Variants in GOPC observed in about 807,000 individuals in gnomAD.
GOPC encodes golgi associated PDZ and coiled-coil motif containing, also known as Golgi-associated PDZ and coiled-coil motif-containing protein.
In GOPC, 32 loss-of-function variants were observed where a neutral mutation model predicts 51.2. The observed-to-expected ratio is 0.63, with a 90% CI of 0.47 to 0.84. GOPC has a LOEUF of 0.84. Among genes scored for constraint, GOPC ranks in the 40% least tolerant of loss-of-function variants. The pLI is 0.00. For missense variants in GOPC, 441 were observed against 555.5 expected (o/e 0.79, Z 2.07); for synonymous variants, 190 against 205.1 (o/e 0.93, Z 0.63).
At chr6:117,580,839 T>C (rs1307059447) in intron 1 of GOPC, among the ~76,000 whole-genome samples, 2 of 152,150 alleles carry the variant, frequency 1.3e-5, no homozygotes, top group Admixed American at 6.5e-5. Context: ...ATGGTAACTT[T>C]GTAAATGAAA....
Position 117,566,846 on chromosome 6 carries a change from A to AT in GOPC, c.1258+7dup, listed in dbSNP as rs1779706705. ...TATGTTAATAATAATTTTTAGAGTG[A>AT]TTTTTACCTTGTAATACTTTGATTT... On this transcript the variant is annotated splice_region_variant and intron_variant, in intron 8 of 8. Transcript: ENST00000368498. The AT allele has an allele frequency of 6.5e-7, 1 of 1,532,462 alleles. No homozygotes were observed. Among genetic ancestry groups the AT allele is most frequent in the African/African-American group, 1.4e-5 (1 of 71,874 alleles). The allele number at this position is 1,532,462 out of a possible 1,614,324, so 94.9% of individuals were successfully genotyped here.
At chr6:117,601,501 A>G (rs1390649355) in intron 1 of GOPC, among the ~76,000 whole-genome samples, 2 of 152,234 alleles carry the variant, frequency 1.3e-5, no homozygotes, top group Non-Finnish European at 2.9e-5. Context: ...ATGCACCACG[A>G]AATTTTCCTA....
chr6:117,561,235 G>A lies in GOPC; in HGVS notation c.*2019C>T, dbSNP rs1779578481. 2 of 223,202 alleles carry A rather than the reference G, an allele frequency of 9.0e-6. No homozygotes were observed. The highest frequency in any genetic ancestry group is 1.8e-4 in the South Asian group (1 of 5,444). The allele number at this position is 223,202 out of a possible 1,614,324, so 13.8% of individuals were successfully genotyped here. A position where few individuals can be genotyped will look rare whatever the true frequency, so the allele number is the denominator to read the frequency against. On this transcript the variant is annotated 3_prime_UTR_variant, in exon 9 of 9. Transcript: ENST00000368498. ...CTCACACAATTCTTCAAATTACACA[G>A]TGACCTCATAAAAATTCCAACTTGA...
chr6:117,584,076 C>T (rs1458356988), intron 1 of GOPC, among the ~76,000 whole-genome samples: 1 of 152,186 alleles, frequency 6.6e-6, no homozygotes, highest in Non-Finnish European at 1.5e-5. Context: ...GATTTCAGCT[C>T]ATTCCCAGGA....
At chr6:117,577,411 G>T in intron 3 of GOPC, 37 bp downstream of exon 3, 2 of 1,576,328 alleles carry the variant, frequency 1.3e-6, no homozygotes, top group South Asian at 1.1e-5. Context: ...ACACTTCAGC[G>T]TGACATATTA....
intron 1 of GOPC, among the ~76,000 whole-genome samples, chr6:117,580,813 C>G (rs564995945): frequency 1.3e-5 from 2 of 152,112 alleles, no homozygotes; most frequent in South Asian, 4.2e-4. Flanking sequence ...TGTAGCTTAT[C>G]AAATGACATG....
Position 117,602,210 on chromosome 6 carries a change from C to T in GOPC, c.79G>A (p.Gly27Arg), listed in dbSNP as rs754142650. 2 of 1,608,738 alleles carry T rather than the reference C, an allele frequency of 1.2e-6. No homozygotes were observed. The highest frequency in any genetic ancestry group is 1.1e-5 in the South Asian group (1 of 91,084). Reference protein sequence around the residue: ...GASCSVGAPGGVSMFRWLEVL... With the variant: ...GASCSVGAPGRVSMFRWLEVL... ...TCCAGCCACCGGAACATGGATACCCCGCCAGGGGCCCCCACGGAGCAGGAG... is the reference window on the plus strand; with the variant it reads ...TCCAGCCACCGGAACATGGATACCCTGCCAGGGGCCCCCACGGAGCAGGAG... The change falls in exon 1 of 9, where the codon GGG becomes AGG. Residue 27 changes from glycine to arginine, a missense_variant. Around this residue, in one of 3 missense-constraint regions of GOPC, gnomAD observed 204 missense variants for 219.8 expected, o/e 0.93. Transcript: ENST00000368498.
rs1304090622 is a variant in GOPC, at chr6:117,601,988, A to G, written c.285+16T>C. The G allele has an allele frequency of 1.9e-6, 3 of 1,611,572 alleles. No individual in the cohort carries two copies. The highest frequency in any genetic ancestry group is 2.2e-5 in the East Asian group (1 of 44,840). On this transcript the variant is annotated intron_variant, in intron 1 of 8. Transcript: ENST00000368498. ...CCTGGGGTTGGATGCCATAGCCGCC[A>G]GCACCCACGGCTCACCTCCAGCTTG...
At chr6:117,591,132 G>A (rs565506565) in intron 1 of GOPC, among the ~76,000 whole-genome samples, 10 of 152,252 alleles carry the variant, frequency 6.6e-5, no homozygotes, top group African/African-American at 9.6e-5. Flanking sequence ...GATTACAGGC[G>A]TGAACCACCA....
chr6:117,562,568 C>CA lies in GOPC; in HGVS notation c.*685dup, dbSNP rs909757358. On this transcript the variant is annotated 3_prime_UTR_variant, in exon 9 of 9. Coordinates refer to ENST00000368498, the MANE Select transcript of GOPC (RefSeq NM_020399.4). The stretch of plus-strand genomic sequence containing the variant: ...ACTCATCTGCATTTCTTTTAAAAAA[C>CA]AAAAAAAGTAAAATGTTTAGTAACT... 4.9e-6 allele frequency: 1 copy of CA among 202,366 alleles called. No homozygotes were observed. Among genetic ancestry groups the CA allele is most frequent in the South Asian group, 1.9e-4 (1 of 5,278 alleles). 12.5% of individuals were successfully genotyped at this position (202,366 alleles called of 1,614,324 possible).
chr6:117,596,343 T>C (rs1780197553), intron 1 of GOPC, among the ~76,000 whole-genome samples: 1 of 152,222 alleles, frequency 6.6e-6, no homozygotes, highest in Non-Finnish European at 1.5e-5. Context: ...ACTCTGTGGG[T>C]TGTCTGTTTA....
At chr6:117,597,362 T>C (rs981546971) in intron 1 of GOPC, among the ~76,000 whole-genome samples, 3 of 152,198 alleles carry the variant, frequency 2.0e-5, no homozygotes, top group African/African-American at 4.8e-5. Context: ...CTTTAACCAT[T>C]TGGATGTCCT....
intron 1 of GOPC, among the ~76,000 whole-genome samples, chr6:117,580,425 A>G (rs1779941050): frequency 6.6e-6 from 1 of 152,116 alleles, no homozygotes; most frequent in African/African-American, 2.4e-5. Context: ...TTAGACTAGG[A>G]AAATGTTATT....
At chr6:117,576,393 T>C (rs1330184809) in intron 3 of GOPC, among the ~76,000 whole-genome samples, 2 of 152,080 alleles carry the variant, frequency 1.3e-5, no homozygotes, top group Non-Finnish European at 2.9e-5. Context: ...TTGGAATTAT[T>C]AAACTCTTAT....
chr6:117,580,146 A>C (rs1382273420), intron 1 of GOPC, among the ~76,000 whole-genome samples: 2 of 152,120 alleles, frequency 1.3e-5, no homozygotes, highest in Non-Finnish European at 2.9e-5. Context: ...AGCAAAGGCA[A>C]AGTGGCAGAG....
chr6:117,575,633 C>A (rs1313555020), intron 3 of GOPC: 2 of 560,376 alleles, frequency 3.6e-6, no homozygotes, highest in Non-Finnish European at 6.6e-6. Context: ...AAAGTGGCTT[C>A]AATGGATAGT....
At chr6:117,576,081 G>A (rs1459614597) in intron 3 of GOPC, among the ~76,000 whole-genome samples, 1 of 151,716 alleles carries the variant, frequency 6.6e-6, no homozygotes, top group Non-Finnish European at 1.5e-5. Flanking sequence ...TGCCTCCTTT[G>A]GTCTACTGTT....
chr6:117,589,158 G>A (rs1323431260), intron 1 of GOPC, among the ~76,000 whole-genome samples: 1 of 152,242 alleles, frequency 6.6e-6, no homozygotes, highest in Non-Finnish European at 1.5e-5. Context: ...CAGCCCACAG[G>A]CTGCGGGTTA....
At chr6:117,590,283 A>C (rs1226525099) in intron 1 of GOPC, among the ~76,000 whole-genome samples, 4 of 152,188 alleles carry the variant, frequency 2.6e-5, no homozygotes, top group African/African-American at 9.6e-5. Flanking sequence ...ATAAGAATGT[A>C]TTTCCAGGCT....
Sources: gnomAD v4.1 joint callset for allele counts (sites outside exome capture counted in the v4.1 genomes callset) on GRCh38, gnomAD v4.1.1 for gene constraint, gnomAD v4.1.1 regional missense constraint, MANE v1.5 for transcripts, NCBI Gene and HGNC (gene_info 2026-07-23, HGNC 2026-07-21) for gene names.